The following MGAT5 variants were observed in gnomAD, a reference collection of about 807,000 sequenced individuals.
MGAT5 encodes the protein alpha-1,6-mannosylglycoprotein 6-beta-N-acetylglucosaminyltransferase A.
MGAT5 carries 30 observed loss-of-function variants against 94.3 expected under a neutral mutation model. The observed-to-expected ratio is 0.32, with a 90% confidence interval of 0.24 to 0.43. The LOEUF is 0.43. Among genes scored for constraint, MGAT5 ranks in the 20% least tolerant of loss-of-function variants. The pLI is 1.00. For synonymous variants in MGAT5, 310 were observed against 322.9 expected (o/e 0.96, Z 0.43); for missense variants, 691 against 905.5 (o/e 0.76, Z 3.04).
intron 9 of MGAT5, among the ~76,000 whole-genome samples, chr2:134,360,376 A>G (rs540749215): frequency 8.5e-5 from 13 of 152,260 alleles, no homozygotes; most frequent in Non-Finnish European, 1.8e-4. Flanking sequence ...GGGGGGCTGA[A>G]TCATTTTATT....
chr2:134,203,629 T>C (rs949745321), intron 1 of MGAT5, among the ~76,000 whole-genome samples: 32 of 152,058 alleles, frequency 2.1e-4, no homozygotes, highest in African/African-American at 7.5e-4. Context: ...ACACAACTCC[T>C]TGGTGCTTGT....
intron 14 of MGAT5, among the ~76,000 whole-genome samples, chr2:134,436,567 G>T (rs754667157): frequency 3.3e-5 from 5 of 152,170 alleles, no homozygotes; most frequent in Non-Finnish European, 7.3e-5. Context: ...CTGCAGTGCA[G>T]CTTTAAGGAC....
chr2:134,166,318 A>G (rs1200396453), intron 1 of MGAT5, among the ~76,000 whole-genome samples: 1 of 152,254 alleles, frequency 6.6e-6, no homozygotes, highest in Non-Finnish European at 1.5e-5. Context: ...GCACAAGTTT[A>G]TTCGTGCATA....
At chr2:134,239,369 C>G (rs1681844451) in intron 1 of MGAT5, among the ~76,000 whole-genome samples, 1 of 152,202 alleles carries the variant, frequency 6.6e-6, no homozygotes, top group South Asian at 2.1e-4. Context: ...GGGCTGTCAC[C>G]TTTGTTGGGG....
rs1686259063 is a variant in MGAT5, at chr2:134,454,348, A to G, written c.*5501A>G. ...CCAAGTATTAATAGCATAATAGTTGATGCCAAAGGAGATGGTGACGTCCCT... is the reference window on the plus strand; with the variant it reads ...CCAAGTATTAATAGCATAATAGTTGGTGCCAAAGGAGATGGTGACGTCCCT... On this transcript the variant is annotated 3_prime_UTR_variant, in exon 16 of 16. Transcript: ENST00000281923. 6.6e-6 allele frequency: 1 copy of G among 152,244 alleles called. No individual in the cohort carries two copies. The highest frequency in any genetic ancestry group is 2.4e-5 in the African/African-American group (1 of 41,460). The allele number at this position is 152,244 out of a possible 1,614,324, so 9.4% of individuals were successfully genotyped here.
chr2:134,327,209 G>A (rs984117225), intron 4 of MGAT5, among the ~76,000 whole-genome samples: 5 of 152,092 alleles, frequency 3.3e-5, no homozygotes, highest in African/African-American at 9.7e-5. Context: ...TGAAGCAGGG[G>A]CGTTTTGAGC....
chr2:134,227,473 C>T (rs1681122048), intron 1 of MGAT5, among the ~76,000 whole-genome samples: 1 of 152,182 alleles, frequency 6.6e-6, no homozygotes, highest in Non-Finnish European at 1.5e-5. Flanking sequence ...TTTACTCATT[C>T]ACTGCAGAGT....
At position 134,448,646 on chromosome 2, in the gene MGAT5, C is replaced by A; in HGVS notation, c.2028-3C>A. The stretch of plus-strand genomic sequence containing the variant: ...ACACTTGTGCCTTTCTCTTCCTCTT[C>A]AGGTACAAGGTGACCTGCCAAAGCT... On this transcript the variant is annotated splice_polypyrimidine_tract_variant and splice_region_variant and intron_variant, in intron 15 of 15. Coordinates refer to ENST00000281923, the MANE Select transcript of MGAT5 (RefSeq NM_002410.5). 6.2e-7 allele frequency: 1 copy of A among 1,614,044 alleles called. No homozygotes were observed. The highest frequency in any genetic ancestry group is 8.5e-7 in the Non-Finnish European group (1 of 1,179,912).
chr2:134,220,793 A>G (rs538428027), intron 1 of MGAT5, among the ~76,000 whole-genome samples: 1 of 152,160 alleles, frequency 6.6e-6, no homozygotes, highest in Non-Finnish European at 1.5e-5. Flanking sequence ...CACGTATGTT[A>G]CTGACTCCTC....
intron 1 of MGAT5, among the ~76,000 whole-genome samples, chr2:134,216,758 GGGTGATTATTGT>G (rs1246098464): frequency 6.6e-6 from 1 of 152,190 alleles, no homozygotes; most frequent in East Asian, 1.9e-4. Flanking sequence ...CTACCTCTAG[GGGTGATTATTGT>G]GGTTTCTCAG....
At chr2:134,145,533 G>T (rs567441293) in intron 1 of MGAT5, among the ~76,000 whole-genome samples, 1 of 152,130 alleles carries the variant, frequency 6.6e-6, no homozygotes, top group Non-Finnish European at 1.5e-5. Context: ...GCGACAGAGC[G>T]AGACTCCGTC....
intron 2 of MGAT5, among the ~76,000 whole-genome samples, chr2:134,289,474 G>A (rs1365415241): frequency 6.6e-6 from 1 of 152,216 alleles, no homozygotes; most frequent in Non-Finnish European, 1.5e-5. Context: ...TGTGCATGTA[G>A]ATGTTGAGGG....
At chr2:134,394,014 G>A (rs1392937175) in intron 10 of MGAT5, among the ~76,000 whole-genome samples, 1 of 152,160 alleles carries the variant, frequency 6.6e-6, no homozygotes, top group Admixed American at 6.5e-5. Flanking sequence ...TGGGATGAAA[G>A]GTAAAGGTGT....
In MGAT5 at chr2:134,454,395, A is replaced by G. The variant is rs1470422455; in HGVS notation, c.*5548A>G. Reference sequence around the variant, plus strand: ...CCCTTCCACTGTAGTTGCTGTCACAACCTTGACGTCTTTAAGCTAATGGCC... The same window carrying G: ...CCCTTCCACTGTAGTTGCTGTCACAGCCTTGACGTCTTTAAGCTAATGGCC... On this transcript the variant is annotated 3_prime_UTR_variant, in exon 16 of 16. Coordinates refer to ENST00000281923, the MANE Select transcript of MGAT5 (RefSeq NM_002410.5). The G allele has an allele frequency of 2.6e-5, 4 of 152,152 alleles. No homozygotes were observed. Among genetic ancestry groups the G allele is most frequent in the Admixed American group, 6.5e-5 (1 of 15,276 alleles). 9.4% of individuals were successfully genotyped at this position (152,152 alleles called of 1,614,324 possible).
chr2:134,381,536 CAG>C (rs59821586), intron 10 of MGAT5, among the ~76,000 whole-genome samples: 2 of 146,844 alleles, frequency 1.4e-5, no homozygotes, highest in Admixed American at 6.9e-5. Flanking sequence ...GACAGACAGA[CAG>C]ATAGATAGAT....
intron 2 of MGAT5, among the ~76,000 whole-genome samples, chr2:134,287,432 T>C (rs1256693403): frequency 6.6e-6 from 1 of 152,188 alleles, no homozygotes; most frequent in African/African-American, 2.4e-5. Context: ...AGTTCACTTT[T>C]CTTTCTTTGG....
At chr2:134,237,980 A>C (rs1681756608) in intron 1 of MGAT5, among the ~76,000 whole-genome samples, 1 of 151,830 alleles carries the variant, frequency 6.6e-6, no homozygotes, top group Admixed American at 6.6e-5. Flanking sequence ...CCAACTCCTG[A>C]CCTTGTGATC....
chr2:134,135,646 C>T (rs919790775), intron 1 of MGAT5, among the ~76,000 whole-genome samples: 7 of 143,882 alleles, frequency 4.9e-5, no homozygotes, highest in South Asian at 2.3e-4. Flanking sequence ...GAGCCGAGAT[C>T]GCGCCACTGC....
At chr2:134,302,509 T>G (rs571889122) in intron 2 of MGAT5, among the ~76,000 whole-genome samples, 29 of 152,260 alleles carry the variant, frequency 1.9e-4, no homozygotes, top group African/African-American at 7.0e-4. Flanking sequence ...TCTTAATCCC[T>G]TCTGTAGTTC....
Sources: gnomAD v4.1 joint callset for allele counts (sites outside exome capture counted in the v4.1 genomes callset) on GRCh38, gnomAD v4.1.1 for gene constraint, MANE v1.5 for transcripts, NCBI Gene and HGNC (gene_info 2026-07-23, HGNC 2026-07-21) for gene names.